The following FAM110B variants were observed in gnomAD, a reference collection of about 807,000 sequenced individuals.
FAM110B encodes family with sequence similarity 110 member B, also known as protein FAM110B.
A neutral mutation model predicts 20.4 loss-of-function variants in FAM110B; 6 were observed. The observed-to-expected ratio is 0.29, with a 90% CI of 0.16 to 0.58. The LOEUF is 0.58. Among genes scored for constraint, FAM110B ranks in the 20% least tolerant of loss-of-function variants. The probability of loss-of-function intolerance (pLI) is 0.90; values close to 1 mark genes in which losing one functional copy is unlikely to be tolerated. For synonymous variants in FAM110B, 226 were observed against 214.1 expected, an observed-to-expected ratio of 1.06 and a Z score of -0.49; for missense variants, 434 against 498.2, an observed-to-expected ratio of 0.87 and a Z score of 1.23.
intron 1 of FAM110B, 150 bp from the exon 2 acceptor site, chr8:58,031,456 C>G (rs1027864242): frequency 3.9e-5 from 6 of 152,146 alleles, no homozygotes; most frequent in Non-Finnish European, 5.9e-5. Context: ...TTTCCTGGAG[C>G]AGCTGAATTA....
At chr8:58,009,314 CA>C (rs1290327873) in intron 1 of FAM110B, among the ~76,000 whole-genome samples, 1 of 152,128 alleles carries the variant, frequency 6.6e-6, no homozygotes, top group African/African-American at 2.4e-5. Flanking sequence ...GTGGAGAACA[CA>C]AAAGGCACTG....
intron 1 of FAM110B, among the ~76,000 whole-genome samples, chr8:58,016,699 G>T (rs1416843477): frequency 6.6e-6 from 1 of 152,208 alleles, no homozygotes; most frequent in Admixed American, 6.5e-5. Flanking sequence ...TCCAGTCTGT[G>T]TTTGTCATGT....
At chr8:58,126,295 C>T (rs553464045) in intron 3 of FAM110B, among the ~76,000 whole-genome samples, 8 of 152,170 alleles carry the variant, frequency 5.3e-5, no homozygotes, top group South Asian at 2.1e-4. Context: ...TAACCATTTG[C>T]CCATTCAGAG....
intron 3 of FAM110B, among the ~76,000 whole-genome samples, chr8:58,088,686 T>G (rs989062354): frequency 6.6e-6 from 1 of 152,206 alleles, no homozygotes; most frequent in Non-Finnish European, 1.5e-5. Context: ...CACCTTCATC[T>G]TGGGTTCAGC....
intron 3 of FAM110B, among the ~76,000 whole-genome samples, chr8:58,121,445 C>G (rs773304099): frequency 1.2e-4 from 19 of 152,186 alleles, no homozygotes; most frequent in Non-Finnish European, 1.3e-4. Context: ...GAAATTTACT[C>G]TGTACTGTAC....
At chr8:58,129,711 C>A (rs1803403093) in intron 3 of FAM110B, among the ~76,000 whole-genome samples, 1 of 152,220 alleles carries the variant, frequency 6.6e-6, no homozygotes, top group Non-Finnish European at 1.5e-5. Context: ...GAACAAAAGG[C>A]TGACAGCTTA....
At chr8:58,131,107 C>G (rs1490777227) in intron 3 of FAM110B, among the ~76,000 whole-genome samples, 1 of 152,188 alleles carries the variant, frequency 6.6e-6, no homozygotes, top group Non-Finnish European at 1.5e-5. Flanking sequence ...TCCAACGCCA[C>G]CGACCAGTTA....
chr8:58,060,896 A>G (rs569860619), intron 2 of FAM110B, among the ~76,000 whole-genome samples: 1 of 152,052 alleles, frequency 6.6e-6, no homozygotes, highest in Non-Finnish European at 1.5e-5. Context: ...GAGACCCACC[A>G]TGACTGATGG....
intron 3 of FAM110B, among the ~76,000 whole-genome samples, chr8:58,125,842 A>C (rs1807487768): frequency 6.6e-6 from 1 of 152,172 alleles, no homozygotes; most frequent in South Asian, 2.1e-4. Flanking sequence ...TAAACATTTT[A>C]CTTTGAAATT....
chr8:58,001,807 A>G (rs977854158), intron 1 of FAM110B, among the ~76,000 whole-genome samples: 1 of 152,186 alleles, frequency 6.6e-6, no homozygotes. Flanking sequence ...AATTATTCAC[A>G]TATACCTTGT....
At chr8:58,024,112 G>T (rs1248027964) in intron 1 of FAM110B, among the ~76,000 whole-genome samples, 1 of 149,116 alleles carries the variant, frequency 6.7e-6, no homozygotes, top group Non-Finnish European at 1.5e-5. Flanking sequence ...TGTTTATAGA[G>T]AATCAATGAA....
chr8:58,108,984 G>A (rs1220198330), intron 3 of FAM110B, among the ~76,000 whole-genome samples: 2 of 152,152 alleles, frequency 1.3e-5, no homozygotes, highest in African/African-American at 4.8e-5. Context: ...ATTTATTACA[G>A]ACTCTAATCG....
At chr8:58,020,740 A>C (rs527875188) in intron 1 of FAM110B, among the ~76,000 whole-genome samples, 1 of 152,352 alleles carries the variant, frequency 6.6e-6, no homozygotes, top group African/African-American at 2.4e-5. Context: ...GGCTGGGGGA[A>C]GGTGGTGGTA....
intron 3 of FAM110B, among the ~76,000 whole-genome samples, chr8:58,102,934 A>G (rs768871444): frequency 8.1e-5 from 12 of 148,554 alleles, no homozygotes; most frequent in Non-Finnish European, 1.5e-4. Context: ...GAGTACTACA[A>G]TTAGACTTAC....
chr8:58,088,245 T>G (rs1806386305), intron 3 of FAM110B, among the ~76,000 whole-genome samples: 1 of 152,338 alleles, frequency 6.6e-6, no homozygotes, highest in African/African-American at 2.4e-5. Flanking sequence ...AGTTTCTCCA[T>G]TGAACTTTAT....
At chr8:57,997,597 A>G (rs1331438676) in intron 1 of FAM110B, among the ~76,000 whole-genome samples, 1 of 152,210 alleles carries the variant, frequency 6.6e-6, no homozygotes, top group Non-Finnish European at 1.5e-5. Flanking sequence ...TCCTAGGGCC[A>G]ATTCTCATTT....
At chr8:58,144,446 C>T (rs1030284495) in intron 3 of FAM110B, among the ~76,000 whole-genome samples, 2 of 152,152 alleles carry the variant, frequency 1.3e-5, no homozygotes, top group Non-Finnish European at 2.9e-5. Flanking sequence ...TAGAACCGCA[C>T]AATTAAAGGA....
At chr8:58,055,386 T>G (rs1332976434) in intron 2 of FAM110B, among the ~76,000 whole-genome samples, 1 of 152,218 alleles carries the variant, frequency 6.6e-6, no homozygotes, top group Non-Finnish European at 1.5e-5. Flanking sequence ...TCTCATACCT[T>G]GATATGTCTT....
intron 3 of FAM110B, chr8:58,113,487 T>A (rs1431405425): frequency 5.2e-6 from 1 of 190,516 alleles, no homozygotes; most frequent in Non-Finnish European, 1.1e-5. Context: ...TGAGCATGGA[T>A]CAAACACTGT....
Sources: allele counts gnomAD v4.1 joint callset (sites outside exome capture counted in the v4.1 genomes callset), GRCh38; gene constraint gnomAD v4.1.1; transcripts MANE v1.5; gene names NCBI Gene and HGNC (gene_info 2026-07-23, HGNC 2026-07-21).